The following CELF4 variants were observed in gnomAD, a reference collection of about 807,000 sequenced individuals.
The protein encoded by CELF4 is CUG-BP- and ETR-3-like factor 4.
A neutral mutation model predicts 59.9 loss-of-function variants in CELF4; 18 were observed. That is an observed-to-expected ratio of 0.30 (90% CI 0.21 to 0.45). The LOEUF (loss-of-function observed/expected upper bound fraction) is 0.45, where lower values mean the gene tolerates loss of function less well. Ranked by LOEUF, CELF4 falls within the 20% of genes least tolerant of loss-of-function variation. The probability of loss-of-function intolerance (pLI) is 1.00; values close to 1 mark genes in which losing one functional copy is unlikely to be tolerated. For synonymous variants in CELF4, 261 were observed against 267.1 expected (o/e 0.98, Z 0.22); for missense variants, 456 against 689.0 (o/e 0.66, Z 3.79).
intron 2 of CELF4, among the ~76,000 whole-genome samples, chr18:37,470,128 G>C (rs754169568): frequency 6.6e-6 from 1 of 152,190 alleles, no homozygotes; most frequent in African/African-American, 2.4e-5. Flanking sequence ...CAATGCTACC[G>C]AGTCAGAATA....
intron 1 of CELF4, among the ~76,000 whole-genome samples, chr18:37,534,673 T>C (rs2099972086): frequency 6.6e-6 from 1 of 152,132 alleles, no homozygotes; most frequent in African/African-American, 2.4e-5. Flanking sequence ...GATAACTATA[T>C]TCCGACACAT....
intron 1 of CELF4, among the ~76,000 whole-genome samples, chr18:37,546,263 G>A (rs960469462): frequency 2.0e-5 from 3 of 152,104 alleles, no homozygotes; most frequent in African/African-American, 7.2e-5. Context: ...GAGCATACAC[G>A]TCCGCACATC....
intron 2 of CELF4, among the ~76,000 whole-genome samples, chr18:37,351,677 C>A (rs2098445295): frequency 6.9e-6 from 1 of 144,288 alleles, no homozygotes; most frequent in Admixed American, 7.2e-5. Context: ...GTGGTGCGAT[C>A]TTGGCTCACT....
chr18:37,250,615 G>C (rs1206445203), intron 12 of CELF4, among the ~76,000 whole-genome samples: 1 of 152,152 alleles, frequency 6.6e-6, no homozygotes, highest in Non-Finnish European at 1.5e-5. Context: ...CAGCACAAAT[G>C]AATACCCTTT....
chr18:37,329,931 G>A (rs528354899), intron 2 of CELF4, among the ~76,000 whole-genome samples: 1 of 152,300 alleles, frequency 6.6e-6, no homozygotes, highest in Non-Finnish European at 1.5e-5. Flanking sequence ...GACATCAGGC[G>A]TTTTGTGGAT....
chr18:37,501,983 AC>A (rs1475092823), intron 1 of CELF4, among the ~76,000 whole-genome samples: 17 of 152,096 alleles, frequency 1.1e-4, no homozygotes, highest in African/African-American at 3.9e-4. Context: ...CTAAGGGAGA[AC>A]CAGTAGCCCT....
At chr18:37,306,111 C>G (rs2096383205) in intron 3 of CELF4, 2 of 152,240 alleles carry the variant, frequency 1.3e-5, no homozygotes. Flanking sequence ...AGCGCAGCCC[C>G]CTGGGTTTTG....
At chr18:37,497,482 T>G (rs930042769) in intron 1 of CELF4, among the ~76,000 whole-genome samples, 4 of 151,992 alleles carry the variant, frequency 2.6e-5, no homozygotes, top group African/African-American at 9.7e-5. Context: ...TGAAACCCCA[T>G]CTCTACTAAA....
chr18:37,263,461 T>A (rs1569210373), intron 10 of CELF4, among the ~76,000 whole-genome samples: 1 of 152,046 alleles, frequency 6.6e-6, no homozygotes, highest in Non-Finnish European at 1.5e-5. Context: ...TCTGACCACA[T>A]GGGCTGCAGG....
At chr18:37,519,601 T>C (rs1446226610) in intron 1 of CELF4, among the ~76,000 whole-genome samples, 2 of 152,184 alleles carry the variant, frequency 1.3e-5, no homozygotes, top group Non-Finnish European at 2.9e-5. Context: ...TGCAGCAGTA[T>C]GTAAATAAGA....
intron 1 of CELF4, among the ~76,000 whole-genome samples, chr18:37,516,599 C>A (rs2099950886): frequency 6.6e-6 from 1 of 152,234 alleles, no homozygotes; most frequent in African/African-American, 2.4e-5. Flanking sequence ...GCACTGTGGT[C>A]AGCATTTTAT....
chr18:37,405,749 C>T (rs1043214658), intron 2 of CELF4, among the ~76,000 whole-genome samples: 2 of 152,106 alleles, frequency 1.3e-5, no homozygotes, highest in African/African-American at 4.8e-5. Flanking sequence ...GGGAAGAGGG[C>T]GGTGGGCTTT....
chr18:37,546,545 C>T (rs961272886), intron 1 of CELF4, among the ~76,000 whole-genome samples: 8 of 152,128 alleles, frequency 5.3e-5, no homozygotes, highest in African/African-American at 1.4e-4. Context: ...GGGAAAGGGT[C>T]GGGCTCTGCC....
intron 1 of CELF4, among the ~76,000 whole-genome samples, chr18:37,543,287 C>A (rs938212804): frequency 6.6e-6 from 1 of 152,134 alleles, no homozygotes; most frequent in African/African-American, 2.4e-5. Flanking sequence ...CAAAGGAGTT[C>A]CTGGACTAGA....
intron 3 of CELF4, among the ~76,000 whole-genome samples, chr18:37,299,446 G>A (rs533147871): frequency 6.6e-6 from 1 of 152,262 alleles, no homozygotes; most frequent in South Asian, 2.1e-4. Context: ...TGGTATGGGG[G>A]CCGGGCAGAA....
chr18:37,382,038 T>C (rs1370708597), intron 2 of CELF4, among the ~76,000 whole-genome samples: 1 of 152,202 alleles, frequency 6.6e-6, no homozygotes, highest in East Asian at 1.9e-4. Flanking sequence ...TCACTCTTTA[T>C]GTTAAACCTG....
chr18:37,283,573 A>C (rs2094400207), intron 3 of CELF4, among the ~76,000 whole-genome samples: 1 of 152,096 alleles, frequency 6.6e-6, no homozygotes, highest in Non-Finnish European at 1.5e-5. Context: ...AAATGAATCC[A>C]TTTGCTCAAT....
At chr18:37,555,581 T>G (rs1287047512) in intron 1 of CELF4, among the ~76,000 whole-genome samples, 1 of 152,022 alleles carries the variant, frequency 6.6e-6, no homozygotes, top group Non-Finnish European at 1.5e-5. Context: ...TGCTGTGGAG[T>G]CCTCCCAGCC....
intron 2 of CELF4, among the ~76,000 whole-genome samples, chr18:37,399,523 C>G (rs1043931300): frequency 1.3e-5 from 2 of 152,284 alleles, no homozygotes; most frequent in Admixed American, 1.3e-4. Flanking sequence ...AAATGGACTA[C>G]GACAATCACC....
Sources: allele counts gnomAD v4.1 joint callset (sites outside exome capture counted in the v4.1 genomes callset), GRCh38; gene constraint gnomAD v4.1.1; transcripts MANE v1.5; gene names NCBI Gene and HGNC (gene_info 2026-07-23, HGNC 2026-07-21).